SAMD8: variants seen among roughly 807,000 people sequenced by gnomAD.
SAMD8 encodes sphingomyelin synthase-related protein 1.
SAMD8 carries 20 observed loss-of-function variants against 42.0 expected under a neutral mutation model. The observed-to-expected ratio is 0.48, with a 90% confidence interval of 0.34 to 0.69. The LOEUF (loss-of-function observed/expected upper bound fraction) is 0.69. SAMD8 is among the 30% of genes least tolerant of loss of function. SAMD8 has a pLI of 0.01. For missense variants in SAMD8, 328 were observed against 511.6 expected, an observed-to-expected ratio of 0.64 and a Z score of 3.46; for synonymous variants, 162 against 173.0, an observed-to-expected ratio of 0.94 and a Z score of 0.50.
intron 1 of SAMD8, among the ~76,000 whole-genome samples, chr10:75,100,242 T>C (rs1310901817): frequency 6.6e-6 from 1 of 152,160 alleles, no homozygotes; most frequent in Non-Finnish European, 1.5e-5. Flanking sequence ...TGCATGCCTC[T>C]GCCTCCGAGG....
At chr10:75,112,975 A>G (rs1034848097) in intron 1 of SAMD8, among the ~76,000 whole-genome samples, 1 of 152,226 alleles carries the variant, frequency 6.6e-6, no homozygotes, top group African/African-American at 2.4e-5. Context: ...GATTGGACTT[A>G]TCTCTTGAAA....
At chr10:75,119,122 CTT>C (rs1179080588) in intron 1 of SAMD8, among the ~76,000 whole-genome samples, 2 of 150,510 alleles carry the variant, frequency 1.3e-5, no homozygotes, top group East Asian at 3.9e-4. Flanking sequence ...AGCTGTTTAA[CTT>C]TTAAATTTTG....
At chr10:75,137,466 G>A (rs1839915845) in intron 1 of SAMD8, among the ~76,000 whole-genome samples, 1 of 151,996 alleles carries the variant, frequency 6.6e-6, no homozygotes, top group Non-Finnish European at 1.5e-5. Flanking sequence ...CTTGAACCCG[G>A]GAGGCGGAGC....
intron 3 of SAMD8, among the ~76,000 whole-genome samples, chr10:75,166,112 G>A (rs1174622757): frequency 2.0e-5 from 3 of 151,726 alleles, no homozygotes; most frequent in Non-Finnish European, 2.9e-5. Context: ...AAATATAGAC[G>A]AAAGAATTTA....
At chr10:75,105,141 T>C (rs200419050) in intron 1 of SAMD8, among the ~76,000 whole-genome samples, 2 of 152,082 alleles carry the variant, frequency 1.3e-5, no homozygotes, top group East Asian at 3.9e-4. Flanking sequence ...CTTAGCTCAC[T>C]GATGAGAATT....
At chr10:75,128,543 A>G (rs1849199943) in intron 1 of SAMD8, among the ~76,000 whole-genome samples, 1 of 152,174 alleles carries the variant, frequency 6.6e-6, no homozygotes, top group African/African-American at 2.4e-5. Flanking sequence ...GAATTCTGAA[A>G]TCTACATTGG....
chr10:75,151,248 T>C (rs1462820491), intron 2 of SAMD8, 142 bp downstream of exon 2: 5 of 453,286 alleles, frequency 1.1e-5, no homozygotes, highest in Non-Finnish European at 1.9e-5. Context: ...ATAAAATGCT[T>C]TGAAATTACC....
chr10:75,113,006 T>A (rs1490914333), intron 1 of SAMD8, among the ~76,000 whole-genome samples: 1 of 152,214 alleles, frequency 6.6e-6, no homozygotes, highest in African/African-American at 2.4e-5. Context: ...TACCTTTGAC[T>A]GATTGGCAAA....
At position 75,133,191 on chromosome 10, in the gene SAMD8, A is replaced by G. The variant is rs534419670; in HGVS notation, c.-15-17323A>G. The stretch of plus-strand genomic sequence containing the variant: ...TGAGGCAGGCAGATTGCTGGAGCTC[A>G]GGAGTTCAAGACCAACCTGGGCAGC... On this transcript the variant is annotated intron_variant, in intron 1 of 5. Transcript: ENST00000542569. Among the ~76,000 whole-genome samples the G allele has an allele frequency of 3.3e-5, 5 of 152,118 alleles. No individual in the cohort carries two copies. In the South Asian group the frequency reaches 1.0e-3, roughly 32 times the overall value.
intron 1 of SAMD8, among the ~76,000 whole-genome samples, chr10:75,137,772 T>C (rs528509722): frequency 6.6e-6 from 1 of 152,294 alleles, no homozygotes; most frequent in East Asian, 1.9e-4. Flanking sequence ...CTTGGAGTGA[T>C]GATGAAGTTC....
chr10:75,166,526 G>A (rs1840684933), intron 3 of SAMD8, among the ~76,000 whole-genome samples: 1 of 152,090 alleles, frequency 6.6e-6, no homozygotes, highest in African/African-American at 2.4e-5. Flanking sequence ...CCACAGTGAT[G>A]AGCTTTAGGT....
chr10:75,106,789 G>A (rs1209159496), upstream of SAMD8, among the ~76,000 whole-genome samples: 5 of 152,208 alleles, frequency 3.3e-5, no homozygotes, highest in Non-Finnish European at 7.3e-5. Context: ...GTAAATAGCT[G>A]GTGAATGAAT....
At chr10:75,123,005 G>A (rs1164941603) in intron 1 of SAMD8, among the ~76,000 whole-genome samples, 2 of 152,070 alleles carry the variant, frequency 1.3e-5, no homozygotes, top group African/African-American at 4.8e-5. Flanking sequence ...AATTCTGTTT[G>A]CTAATATTTG....
chr10:75,173,529 A>G (rs1464345398), intron 4 of SAMD8, among the ~76,000 whole-genome samples: 2 of 152,218 alleles, frequency 1.3e-5, no homozygotes, highest in Admixed American at 1.3e-4. Flanking sequence ...TTTGACTGGC[A>G]TCACTAGTTT....
At chr10:75,156,495 G>A (rs1051888444) in intron 2 of SAMD8, among the ~76,000 whole-genome samples, 1 of 152,142 alleles carries the variant, frequency 6.6e-6, no homozygotes, top group Non-Finnish European at 1.5e-5. Context: ...ATTACAGAGG[G>A]AATGAGGTAG....
rs1840992501 is a variant in SAMD8, at chr10:75,176,436, A to G, written c.992A>G (p.Asn331Ser). Residue 331 changes from asparagine to serine, a missense_variant, in exon 6 of 6, where the codon AAC (asparagine) becomes AGC (serine). This residue lies in a region of SAMD8 where 178 missense variants were observed against 325.6 expected (regional missense o/e 0.55). Transcript: ENST00000542569. The surrounding 1 kb of genome is among the most constrained non-coding windows in gnomAD (Gnocchi z 4.3). ...TTGCACACTTTATCCTGGGTTCTCA[A>G]CCTCTTTGGAATCTTCTTCATCTTG... is the stretch of plus-strand genomic sequence containing the variant. ...NFLHTLSWVL[N>S]LFGIFFILAA... The G allele has an allele frequency of 6.4e-7, 1 of 1,550,854 alleles. No individual in the cohort carries two copies. Among genetic ancestry groups the G allele is most frequent in the Non-Finnish European group, 8.7e-7 (1 of 1,147,070 alleles).
At chr10:75,165,697 C>T (rs1840658519) in intron 3 of SAMD8, among the ~76,000 whole-genome samples, 1 of 150,568 alleles carries the variant, frequency 6.6e-6, no homozygotes, top group Admixed American at 6.6e-5. Context: ...GATTATTAGC[C>T]AGGCACAGTG....
At chr10:75,153,544 G>T (rs1353049492) in intron 2 of SAMD8, among the ~76,000 whole-genome samples, 1 of 151,634 alleles carries the variant, frequency 6.6e-6, no homozygotes, top group Non-Finnish European at 1.5e-5. Flanking sequence ...AACCTGGGAG[G>T]CAGAGGTTGC....
At chr10:75,127,624 A>C (rs1003134588) in intron 1 of SAMD8, among the ~76,000 whole-genome samples, 3 of 152,162 alleles carry the variant, frequency 2.0e-5, no homozygotes, top group African/African-American at 7.2e-5. Context: ...TGAGTTTGTG[A>C]GTTAGGGTGT....
Sources: gnomAD v4.1 joint callset for allele counts (sites outside exome capture counted in the v4.1 genomes callset) on GRCh38, gnomAD v4.1.1 for gene constraint, gnomAD v4.1.1 regional missense constraint, Gnocchi (gnomAD v3.1) non-coding constraint, MANE v1.5 for transcripts, NCBI Gene and HGNC (gene_info 2026-07-23, HGNC 2026-07-21) for gene names.